GALNT10: variants seen among roughly 807,000 people sequenced by gnomAD.
The protein encoded by GALNT10 is polypeptide N-acetylgalactosaminyltransferase 10, also known as GalNAc transferase 10.
GALNT10 carries 41 observed loss-of-function variants against 75.0 expected under a neutral mutation model. The ratio of observed to expected loss-of-function variants is 0.55; its 90% confidence interval spans 0.43 to 0.71. The LOEUF is 0.71. GALNT10 is among the 30% of genes least tolerant of loss of function. The pLI is 0.00. For missense variants in GALNT10, 727 were observed against 818.5 expected, an observed-to-expected ratio of 0.89 and a Z score of 1.36; for synonymous variants, 302 against 313.0, an observed-to-expected ratio of 0.96 and a Z score of 0.37.
At chr5:154,284,572 CA>C (rs772084127) in intron 1 of GALNT10, among the ~76,000 whole-genome samples, 2 of 152,178 alleles carry the variant, frequency 1.3e-5, no homozygotes, top group Non-Finnish European at 2.9e-5. Flanking sequence ...AGCAATATTG[CA>C]GCCCTTGCTC....
rs1396160872 is a variant in GALNT10 at position 154,409,785 on chromosome 5, G to C, written c.1386+23G>C. ...GAGGTGAGTCTGGAGGGCAGGGCTG[G>C]CTCCATAATTTAATGGGTGTGCAAA... On this transcript the variant is annotated intron_variant, in intron 9 of 11. Transcript: ENST00000297107. This position sits in a 1 kb window ranked among gnomAD's most constrained non-coding sequence, Gnocchi z 4.5. 6 of 1,523,054 alleles carry C rather than the reference G, an allele frequency of 3.9e-6. No homozygotes were observed. The highest frequency in any genetic ancestry group is 5.5e-6 in the Non-Finnish European group (6 of 1,097,632). The allele number at this position is 1,523,054 out of a possible 1,614,324, so 94.3% of individuals were successfully genotyped here. A position where few individuals can be genotyped will look rare whatever the true frequency, so the allele number is the denominator to read the frequency against.
chr5:154,349,904 A>G, intron 4 of GALNT10, among the ~76,000 whole-genome samples: 1 of 152,190 alleles, frequency 6.6e-6, no homozygotes, highest in Non-Finnish European at 1.5e-5. Context: ...GTTGTCTGTT[A>G]CAGTAGCCAC....
intron 1 of GALNT10, among the ~76,000 whole-genome samples, chr5:154,265,962 A>G (rs1455180951): frequency 6.6e-6 from 1 of 152,148 alleles, no homozygotes; most frequent in African/African-American, 2.4e-5. Flanking sequence ...ATTTATTAAC[A>G]TGCAATGAGA....
chr5:154,383,690 A>G (rs1755766738), intron 6 of GALNT10, among the ~76,000 whole-genome samples: 1 of 152,198 alleles, frequency 6.6e-6, no homozygotes, highest in South Asian at 2.1e-4. Flanking sequence ...TCAGTCTCCC[A>G]TGAAGCACCA....
At chr5:154,292,764 C>T (rs1207793914) in intron 1 of GALNT10, among the ~76,000 whole-genome samples, 1 of 152,176 alleles carries the variant, frequency 6.6e-6, no homozygotes, top group Non-Finnish European at 1.5e-5. Context: ...AACCCCAGTA[C>T]ATAAAACAGA....
rs1028748737 is a variant in GALNT10, at chr5:154,275,677, G to C, written c.160-19139G>C. 1.1e-4 allele frequency among the ~76,000 whole-genome samples: 16 copies of C among 152,228 alleles called. 1 individual carries two copies. The highest frequency in any genetic ancestry group is 8.5e-4 in the Admixed American group (13 of 15,282). On this transcript the variant is annotated intron_variant, in intron 1 of 11. Coordinates refer to ENST00000297107, the MANE Select transcript of GALNT10 (RefSeq NM_198321.4). ...AAGATGGCTCATTCGCATGACTGGT[G>C]AGGTGGTGCTGGCTGTCAGTTCCTT...
chr5:154,222,571 A>G (rs1346881810), intron 1 of GALNT10, among the ~76,000 whole-genome samples: 1 of 152,176 alleles, frequency 6.6e-6, no homozygotes, highest in African/African-American at 2.4e-5. Flanking sequence ...ATCATGTTGC[A>G]TTCCCACCAT....
At chr5:154,231,682 G>A (rs1753152027) in intron 1 of GALNT10, among the ~76,000 whole-genome samples, 1 of 152,144 alleles carries the variant, frequency 6.6e-6, no homozygotes, top group Non-Finnish European at 1.5e-5. Flanking sequence ...AGTCTCCTGT[G>A]GGGGTAATGA....
intron 1 of GALNT10, among the ~76,000 whole-genome samples, chr5:154,275,159 A>G (rs1056010375): frequency 6.6e-6 from 1 of 152,228 alleles, no homozygotes; most frequent in Non-Finnish European, 1.5e-5. Flanking sequence ...TATTCAGTTC[A>G]TAAACATTTA....
chr5:154,366,174 G>T (rs543159698), intron 4 of GALNT10, among the ~76,000 whole-genome samples: 127 of 152,358 alleles, frequency 8.3e-4, no homozygotes, highest in African/African-American at 3.0e-3. Context: ...ACAAGTGTGA[G>T]CATTTGGCTT....
intron 1 of GALNT10, among the ~76,000 whole-genome samples, chr5:154,208,799 G>A (rs2113646895): frequency 6.6e-6 from 1 of 152,296 alleles, no homozygotes; most frequent in South Asian, 2.1e-4. Flanking sequence ...ATGAAAATTG[G>A]CTATTAAGAA....
At chr5:154,276,188 G>A (rs1753948882) in intron 1 of GALNT10, among the ~76,000 whole-genome samples, 2 of 152,094 alleles carry the variant, frequency 1.3e-5, no homozygotes, top group Admixed American at 6.6e-5. Context: ...AGCCAGGCTG[G>A]GCTCTTATCT....
At chr5:154,329,244 A>G (rs149041527) in intron 3 of GALNT10, among the ~76,000 whole-genome samples, 198 of 152,352 alleles carry the variant, frequency 1.3e-3, no homozygotes, top group African/African-American at 4.5e-3. Flanking sequence ...ACCAAAGTCT[A>G]TAGTTCTTAT....
chr5:154,403,940 GTTA>G (rs1278556244), intron 7 of GALNT10, 161 bp from the exon 8 acceptor site: 6 of 693,168 alleles, frequency 8.7e-6, no homozygotes, highest in Non-Finnish European at 1.6e-5. Context: ...TTTTACCGCT[GTTA>G]TTATATTACT....
At chr5:154,397,365 G>A (rs1367504135) in intron 7 of GALNT10, among the ~76,000 whole-genome samples, 2 of 151,924 alleles carry the variant, frequency 1.3e-5, no homozygotes, top group African/African-American at 2.4e-5. Flanking sequence ...TTCATGCAAC[G>A]CCCTCCACCA....
intron 3 of GALNT10, among the ~76,000 whole-genome samples, chr5:154,310,281 A>G (rs1209284507): frequency 1.3e-5 from 2 of 152,166 alleles, no homozygotes; most frequent in African/African-American, 2.4e-5. Context: ...TTAGTGCCCC[A>G]GAGATACTCA....
chr5:154,353,071 C>T (rs1158017438), intron 4 of GALNT10, among the ~76,000 whole-genome samples: 4 of 152,140 alleles, frequency 2.6e-5, no homozygotes, highest in African/African-American at 4.8e-5. Flanking sequence ...GATGAGGCCT[C>T]GGAGGGCTGG....
intron 1 of GALNT10, among the ~76,000 whole-genome samples, chr5:154,205,925 A>G (rs1370657818): frequency 6.6e-6 from 1 of 152,206 alleles, no homozygotes; most frequent in Non-Finnish European, 1.5e-5. Context: ...GTGACGCAAT[A>G]AATTTCTGTT....
intron 1 of GALNT10, among the ~76,000 whole-genome samples, chr5:154,265,673 C>T (rs1753765682): frequency 6.6e-6 from 1 of 152,178 alleles, no homozygotes; most frequent in South Asian, 2.1e-4. Flanking sequence ...TTACAAAAGA[C>T]AGTCCCATAT....
Sources: allele counts gnomAD v4.1 joint callset (sites outside exome capture counted in the v4.1 genomes callset), GRCh38; gene constraint gnomAD v4.1.1; non-coding constraint Gnocchi (gnomAD v3.1); transcripts MANE v1.5; gene names NCBI Gene and HGNC (gene_info 2026-07-23, HGNC 2026-07-21).